PFKFB3: variants seen among roughly 807,000 people sequenced by gnomAD.
PFKFB3 encodes the protein 6-phosphofructo-2-kinase/fructose-2,6-bisphosphatase 3.
PFKFB3 carries 33 observed loss-of-function variants against 68.0 expected under a neutral mutation model. The ratio of observed to expected loss-of-function variants is 0.49; its 90% CI spans 0.37 to 0.65. The LOEUF is 0.65. Ranked by LOEUF, PFKFB3 falls within the 30% of genes least tolerant of loss-of-function variation. The pLI is 0.00. For missense variants in PFKFB3, 586 were observed against 712.2 expected, an observed-to-expected ratio of 0.82 and a Z score of 2.02; for synonymous variants, 315 against 288.2, an observed-to-expected ratio of 1.09 and a Z score of -0.94.
At chr10:6,183,695 T>A (rs1346776403) in intron 1 of PFKFB3, among the ~76,000 whole-genome samples, 1 of 108,122 alleles carries the variant, frequency 9.2e-6, no homozygotes, top group Non-Finnish European at 2.2e-5. Flanking sequence ...TTTTTTTTAA[T>A]TTTTTTTTTT....
At chr10:6,178,579 C>G (rs1842604404) in intron 1 of PFKFB3, among the ~76,000 whole-genome samples, 1 of 151,854 alleles carries the variant, frequency 6.6e-6, no homozygotes, top group South Asian at 2.1e-4. Flanking sequence ...CCGGGATGGA[C>G]AGAGTCCGCC....
chr10:6,147,180 C>A (rs1841418565), intron 1 of PFKFB3, among the ~76,000 whole-genome samples: 1 of 152,226 alleles, frequency 6.6e-6, no homozygotes, highest in African/African-American at 2.4e-5. Flanking sequence ...TGAGGGACAG[C>A]ACGGCACGTC....
intron 1 of PFKFB3, among the ~76,000 whole-genome samples, chr10:6,187,718 T>G (rs11257147): frequency 0.025 from 3,843 of 152,342 alleles, 70 homozygotes; most frequent in Non-Finnish European, 0.039. Context: ...AGAATTTTGC[T>G]CAGAAGTGTG....
At chr10:6,265,055 T>G in the PFKFB3 span, among the ~76,000 whole-genome samples, 1 of 150,996 alleles carries the variant, frequency 6.6e-6, no homozygotes, top group Non-Finnish European at 1.5e-5. Flanking sequence ...TAGTTTTCTT[T>G]AACTTGGCAT....
At chr10:6,219,833 C>T (rs143585718) in intron 7 of PFKFB3, 140 bp downstream of exon 7, 7 of 764,768 alleles carry the variant, frequency 9.2e-6, no homozygotes, top group African/African-American at 5.3e-5. Flanking sequence ...GATGAGGTCT[C>T]GCTATGTTGC....
rs1409322826 is a variant in PFKFB3 at position 6,229,848 on chromosome 10, A to T, written c.1516-3047A>T. 1.3e-5 allele frequency among the ~76,000 whole-genome samples: 2 copies of T among 152,094 alleles called. No homozygotes were observed. Among genetic ancestry groups the T allele is most frequent in the Non-Finnish European group, 2.9e-5 (2 of 68,012 alleles). On this transcript the variant is annotated intron_variant, in intron 14 of 14. Transcript: ENST00000379775. This position sits in a 1 kb window ranked among gnomAD's most constrained non-coding sequence, Gnocchi z 4.3. ...TGGGGATAAAACTGTTCTGCCTCAG[A>T]TCGTCTGGCATTAGATTCTCTGAAG...
chr10:6,159,455 T>C (rs1160806736), intron 1 of PFKFB3, among the ~76,000 whole-genome samples: 3 of 150,992 alleles, frequency 2.0e-5, no homozygotes, highest in African/African-American at 7.3e-5. Flanking sequence ...TCCCAGCACT[T>C]TGGGAGGCTG....
intron 1 of PFKFB3, among the ~76,000 whole-genome samples, chr10:6,155,226 G>T (rs1316305314): frequency 9.7e-6 from 1 of 102,650 alleles, no homozygotes; most frequent in African/African-American, 2.8e-5. Context: ...TTTTTGAGAC[G>T]GAGTCCCGCT....
chr10:6,171,296 C>T (rs1369086802), intron 1 of PFKFB3, among the ~76,000 whole-genome samples: 1 of 152,112 alleles, frequency 6.6e-6, no homozygotes, highest in Non-Finnish European at 1.5e-5. Flanking sequence ...CTCAGGTGAT[C>T]CACCCGCCTC....
intron 1 of PFKFB3, among the ~76,000 whole-genome samples, chr10:6,145,909 G>C (rs1841374753): frequency 6.6e-6 from 1 of 152,222 alleles, no homozygotes. Flanking sequence ...TGGAGGCCCA[G>C]CACTGCCCAG....
upstream of PFKFB3, chr10:6,202,745 G>A: frequency 3.0e-6 from 1 of 333,210 alleles, no homozygotes; most frequent in Non-Finnish European, 4.4e-6. Context: ...GGGGCAGGGC[G>A]GCGGGAGCTG....
chr10:6,183,977 A>G (rs1472502171), intron 1 of PFKFB3, among the ~76,000 whole-genome samples: 1 of 151,956 alleles, frequency 6.6e-6, no homozygotes, highest in Admixed American at 6.6e-5. Flanking sequence ...GGTGTGAGCC[A>G]CCGCGCCTGG....
chr10:6,292,278 CTTTTTTTTTTTT>C, the PFKFB3 span, among the ~76,000 whole-genome samples: 42 of 54,308 alleles, frequency 7.7e-4, no homozygotes, highest in South Asian at 0.031. Context: ...TTTTTTTTTT[CTTTTTTTTTTTT>C]TTTTTTTTTT....
chr10:6,321,234 T>C, the PFKFB3 span, among the ~76,000 whole-genome samples: 2 of 152,304 alleles, frequency 1.3e-5, no homozygotes, highest in Non-Finnish European at 2.9e-5. Flanking sequence ...CCGAAACTTT[T>C]TGTTTTGCAA....
At chr10:6,171,408 T>G (rs1022575416) in intron 1 of PFKFB3, among the ~76,000 whole-genome samples, 3 of 151,788 alleles carry the variant, frequency 2.0e-5, no homozygotes, top group African/African-American at 7.3e-5. Context: ...TTCTTTTTTT[T>G]TTTTTTGGAG....
intron 1 of PFKFB3, among the ~76,000 whole-genome samples, chr10:6,179,920 C>G (rs76735479): frequency 6.6e-6 from 1 of 152,272 alleles, no homozygotes; most frequent in African/African-American, 2.4e-5. Context: ...GTAACTAACT[C>G]GAGACCAGGA....
At chr10:6,213,469 T>C (rs1844360906) in intron 1 of PFKFB3, among the ~76,000 whole-genome samples, 154 bp from the exon 2 acceptor site, 1 of 152,182 alleles carries the variant, frequency 6.6e-6, no homozygotes. Context: ...GCAGTAATCA[T>C]GGTGGCCACC....
At chr10:6,194,971 C>T (rs1400034122) in intron 1 of PFKFB3, among the ~76,000 whole-genome samples, 3 of 151,600 alleles carry the variant, frequency 2.0e-5, no homozygotes, top group Non-Finnish European at 4.4e-5. Flanking sequence ...CTCCCAGGTT[C>T]GAGCTATTCT....
chr10:6,205,455 C>T (rs535347782), intron 1 of PFKFB3, among the ~76,000 whole-genome samples: 6 of 130,544 alleles, frequency 4.6e-5, no homozygotes, highest in South Asian at 2.5e-4. Context: ...TGCAGTGGTG[C>T]GATCTCGGCT....
Sources: gnomAD v4.1 joint callset for allele counts (sites outside exome capture counted in the v4.1 genomes callset) on GRCh38, gnomAD v4.1.1 for gene constraint, Gnocchi (gnomAD v3.1) non-coding constraint, MANE v1.5 for transcripts, NCBI Gene and HGNC (gene_info 2026-07-23, HGNC 2026-07-21) for gene names.